Variants in INSC observed in about 807,000 individuals in gnomAD.
The protein encoded by INSC is INSC spindle orientation adaptor protein, also known as protein inscuteable homolog.
INSC carries 67 observed loss-of-function variants against 58.6 expected under a neutral mutation model. The ratio of observed to expected loss-of-function variants is 1.14; its 90% CI spans 0.94 to 1.40. The LOEUF is 1.40. INSC is among the 40% of genes most tolerant of loss of function. INSC has a pLI of 0.00. For synonymous variants in INSC, 262 were observed against 276.1 expected, an observed-to-expected ratio of 0.95 and a Z score of 0.51; for missense variants, 714 against 692.0, an observed-to-expected ratio of 1.03 and a Z score of -0.36.
chr11:15,123,401 A>G (rs1284840578), intron 1 of INSC, among the ~76,000 whole-genome samples: 2 of 152,220 alleles, frequency 1.3e-5, no homozygotes, highest in Non-Finnish European at 2.9e-5. Flanking sequence ...TTACTGACAC[A>G]TGCCACAAAT....
At chr11:15,267,635 C>T in the INSC span, among the ~76,000 whole-genome samples, 1 of 151,926 alleles carries the variant, frequency 6.6e-6, no homozygotes, top group East Asian at 1.9e-4. Context: ...CTTTCTTCTA[C>T]CTTCTTAACA....
At chr11:15,140,593 T>C (rs1379236018) in intron 1 of INSC, among the ~76,000 whole-genome samples, 1 of 151,534 alleles carries the variant, frequency 6.6e-6, no homozygotes, top group African/African-American at 2.4e-5. Flanking sequence ...CTTTTTTTTT[T>C]TTTTTCTTTT....
At chr11:15,143,482 C>T (rs1365098277) in intron 1 of INSC, among the ~76,000 whole-genome samples, 1 of 152,042 alleles carries the variant, frequency 6.6e-6, no homozygotes, top group East Asian at 1.9e-4. Flanking sequence ...GGCTGCAAGG[C>T]TGAAGGACAA....
chr11:15,262,252 A>T, the INSC span, among the ~76,000 whole-genome samples: 22 of 152,144 alleles, frequency 1.4e-4, no homozygotes, highest in Admixed American at 9.8e-4. Flanking sequence ...AACAGTGAAT[A>T]AGTTATATAC....
chr11:15,238,884 G>A (rs745703064), intron 10 of INSC, 35 bp from the exon 11 acceptor site: 2 of 1,599,760 alleles, frequency 1.3e-6, no homozygotes, highest in Non-Finnish European at 1.7e-6. Flanking sequence ...CTCCATGCTG[G>A]GGTAGGTACC....
chr11:15,132,161 C>T (rs557411843), intron 1 of INSC, among the ~76,000 whole-genome samples: 1 of 152,258 alleles, frequency 6.6e-6, no homozygotes, highest in South Asian at 2.1e-4. Context: ...ATTTATATCT[C>T]TATTTTTCTT....
chr11:15,262,943 T>C, the INSC span, among the ~76,000 whole-genome samples: 1 of 152,022 alleles, frequency 6.6e-6, no homozygotes, highest in Non-Finnish European at 1.5e-5. Flanking sequence ...AGAATATGAA[T>C]AAGAATATTT....
At chr11:15,247,405 A>C (rs1160431042), downstream of INSC, among the ~76,000 whole-genome samples, 1 of 152,182 alleles carries the variant, frequency 6.6e-6, no homozygotes, top group Non-Finnish European at 1.5e-5. Flanking sequence ...TGATTCTGGC[A>C]ATAGCTATTA....
At chr11:15,192,676 A>C (rs1052841295) in intron 6 of INSC, among the ~76,000 whole-genome samples, 2 of 152,186 alleles carry the variant, frequency 1.3e-5, no homozygotes, top group Admixed American at 6.5e-5. Flanking sequence ...CAACTTTGGT[A>C]GGGGTTTCTG....
intron 12 of INSC, among the ~76,000 whole-genome samples, chr11:15,242,587 T>C (rs984857050): frequency 6.6e-6 from 1 of 152,138 alleles, no homozygotes; most frequent in Non-Finnish European, 1.5e-5. Flanking sequence ...CCTACCACTC[T>C]CTCCAGGCCC....
intron 9 of INSC, among the ~76,000 whole-genome samples, chr11:15,230,634 C>T (rs1206937161): frequency 1.3e-5 from 2 of 152,180 alleles, no homozygotes; most frequent in East Asian, 1.9e-4. Flanking sequence ...ATCACAACAC[C>T]CTGTCCTGAC....
chr11:15,115,934 C>T lies in INSC; in HGVS notation c.-46+931C>T, dbSNP rs1349591963. Among the ~76,000 whole-genome samples the T allele has an allele frequency of 2.6e-5, 4 of 152,186 alleles. No individual in the cohort carries two copies. In the East Asian group the frequency reaches 5.8e-4, roughly 22 times the overall value. Reference sequence around the variant, plus strand: ...CGCTAGCCTCCTCCCACTTTTGCCCCTTTTAATCTATATATTATACCTCTG... The same window carrying T: ...CGCTAGCCTCCTCCCACTTTTGCCCTTTTTAATCTATATATTATACCTCTG... On this transcript the variant is annotated intron_variant, in intron 1 of 12. Coordinates refer to ENST00000379556, the MANE Select transcript of INSC (RefSeq NM_001042536.3).
chr11:15,204,602 A>G (rs1319978636), intron 7 of INSC, among the ~76,000 whole-genome samples: 2 of 152,198 alleles, frequency 1.3e-5, no homozygotes, highest in Non-Finnish European at 2.9e-5. Flanking sequence ...AGGATGGAAG[A>G]TGGTGAAGAC....
intron 7 of INSC, among the ~76,000 whole-genome samples, chr11:15,217,612 T>C (rs893989446): frequency 6.6e-6 from 1 of 152,078 alleles, no homozygotes; most frequent in African/African-American, 2.4e-5. Flanking sequence ...GTAATGAATA[T>C]GAAGATCAAC....
At chr11:15,113,143 T>TTCTCTCTCTCTCTC, upstream of INSC, among the ~76,000 whole-genome samples, 1 of 98,686 alleles carries the variant, frequency 1.0e-5, no homozygotes, top group African/African-American at 3.5e-5. Flanking sequence ...CTTTCTTTCT[T>TTCTCTCTCTCTCTC]TCTGTCTCTC....
chr11:15,180,433 T>C (rs1849729854), intron 5 of INSC, among the ~76,000 whole-genome samples: 1 of 152,094 alleles, frequency 6.6e-6, no homozygotes, highest in Non-Finnish European at 1.5e-5. Flanking sequence ...TGGGAAAATC[T>C]CCCTGGGCTT....
intron 12 of INSC, among the ~76,000 whole-genome samples, chr11:15,244,449 CCT>C (rs1209255839): frequency 3.9e-5 from 6 of 152,286 alleles, no homozygotes; most frequent in Non-Finnish European, 8.8e-5. Flanking sequence ...CTCAAACTAT[CCT>C]CTCTTTTCAC....
At chr11:15,223,554 CA>C (rs1303824867) in intron 8 of INSC, among the ~76,000 whole-genome samples, 1 of 152,196 alleles carries the variant, frequency 6.6e-6, no homozygotes, top group Non-Finnish European at 1.5e-5. Context: ...AATAAATGTG[CA>C]GCAAAATTAA....
chr11:15,196,433 G>C (rs772186557), intron 6 of INSC, among the ~76,000 whole-genome samples: 5 of 152,138 alleles, frequency 3.3e-5, no homozygotes, highest in African/African-American at 4.8e-5. Flanking sequence ...CATTTCACCA[G>C]CTAGTTGGTT....
Sources: allele counts gnomAD v4.1 joint callset (sites outside exome capture counted in the v4.1 genomes callset), GRCh38; gene constraint gnomAD v4.1.1; transcripts MANE v1.5; gene names NCBI Gene and HGNC (gene_info 2026-07-23, HGNC 2026-07-21).